Variants in PLEKHG4B observed in about 807,000 individuals in gnomAD.
The protein encoded by PLEKHG4B is pleckstrin homology domain-containing family G member 4B.
PLEKHG4B carries 111 observed loss-of-function variants against 121.3 expected under a neutral mutation model. That is an observed-to-expected ratio of 0.92 (90% CI 0.78 to 1.07). PLEKHG4B has a LOEUF of 1.07. Among genes scored for constraint, PLEKHG4B ranks in the 50% least tolerant of loss-of-function variants. The pLI, the probability that PLEKHG4B is intolerant of heterozygous loss-of-function variation, is 0.00. For synonymous variants in PLEKHG4B, 738 were observed against 725.0 expected (o/e 1.02, Z -0.29); for missense variants, 1,831 against 1,757.8 (o/e 1.04, Z -0.74).
chr5:99,006 ATTAG>A (rs1313387115), intron 1 of PLEKHG4B, among the ~76,000 whole-genome samples: 2 of 145,600 alleles, frequency 1.4e-5, no homozygotes, highest in Admixed American at 6.8e-5. Flanking sequence ...AATACAAAAA[ATTAG>A]CTGGGTGTGG....
intron 1 of PLEKHG4B, among the ~76,000 whole-genome samples, chr5:99,538 A>G (rs1733740921): frequency 6.6e-6 from 1 of 152,044 alleles, no homozygotes; most frequent in Admixed American, 6.5e-5. Flanking sequence ...TCCTTTTCAA[A>G]GTATTCATTG....
In PLEKHG4B at chr5:184,632, T is replaced by C. The variant is rs990008719; in HGVS notation, c.*2309T>C. Reference sequence around the variant, plus strand: ...GCACCATCCAGGATTTTCCTCGTTATTTAAATCCCTTTAGCCCATCTCCCA... The same window carrying C: ...GCACCATCCAGGATTTTCCTCGTTACTTAAATCCCTTTAGCCCATCTCCCA... On this transcript the variant is annotated 3_prime_UTR_variant, in exon 20 of 20. Coordinates refer to ENST00000637938, the MANE Select transcript of PLEKHG4B (RefSeq NM_052909.5). The C allele has an allele frequency of 2.6e-5, 4 of 152,234 alleles. No individual in the cohort carries two copies. Among genetic ancestry groups the C allele is most frequent in the Non-Finnish European group, 5.9e-5 (4 of 68,042 alleles). 9.4% of individuals were successfully genotyped at this position (152,234 alleles called of 1,614,324 possible). A position where few individuals can be genotyped will look rare whatever the true frequency, so the allele number is the denominator to read the frequency against.
At chr5:116,486 T>C (rs1353649537) in intron 2 of PLEKHG4B, among the ~76,000 whole-genome samples, 1 of 152,238 alleles carries the variant, frequency 6.6e-6, no homozygotes, top group East Asian at 1.9e-4. Context: ...CTCAATCAGC[T>C]GGAACACAGT....
At position 187,233 on chromosome 5, in the gene PLEKHG4B, T is replaced by TGAGGA. The variant is rs1412074056; in HGVS notation, c.*4911_*4915dup. The TGAGGA allele has an allele frequency of 3.3e-5, 5 of 152,302 alleles. No homozygotes were observed. Among genetic ancestry groups the TGAGGA allele is most frequent in the African/African-American group, 7.2e-5 (3 of 41,454 alleles). The allele number at this position is 152,302 out of a possible 1,614,324, so 9.4% of individuals were successfully genotyped here. On this transcript the variant is annotated 3_prime_UTR_variant, in exon 20 of 20. Coordinates refer to ENST00000637938, the MANE Select transcript of PLEKHG4B (RefSeq NM_052909.5). The stretch of plus-strand genomic sequence containing the variant: ...CGGGCAGGTACAGATGTCATCCCCT[T>TGAGGA]GAGGACAGCAGGGAGGCGACTCAGG...
chr5:109,091 T>TC lies in PLEKHG4B; in HGVS notation c.46-4155dup, dbSNP rs1553981572. ...TGGGGCAGAGCAGGGACAGTGTGGG[T>TC]CCCCCGCTGTCCCCAGGGCCCTGCT... On this transcript the variant is annotated intron_variant, in intron 1 of 19. Coordinates refer to ENST00000637938, the MANE Select transcript of PLEKHG4B (RefSeq NM_052909.5). 3.3e-3 allele frequency among the ~76,000 whole-genome samples: 509 copies of TC among 152,066 alleles called. 6 individuals carry two copies. Among genetic ancestry groups the TC allele is most frequent in the African/African-American group, 0.012 (489 of 41,470 alleles).
At chr5:164,525 G>GCT (rs1736181818) in intron 13 of PLEKHG4B, among the ~76,000 whole-genome samples, 2 of 85,236 alleles carry the variant, frequency 2.3e-5, no homozygotes, top group African/African-American at 1.2e-4. Context: ...ACACAGTAAT[G>GCT]CTGTGACAGG....
rs1735033666 is a variant in PLEKHG4B at position 137,989 on chromosome 5, G to A, written c.244-1494G>A. On this transcript the variant is annotated intron_variant, in intron 2 of 19. Coordinates refer to ENST00000637938, the MANE Select transcript of PLEKHG4B (RefSeq NM_052909.5). This position sits in a 1 kb window ranked among gnomAD's most constrained non-coding sequence, Gnocchi z 4.2. Reference sequence around the variant, plus strand: ...CCGCTTCTTGAACGGCTTGCTCACCGGTGTGAGGAACACGCGCAGACGTTT... The same window carrying A: ...CCGCTTCTTGAACGGCTTGCTCACCAGTGTGAGGAACACGCGCAGACGTTT... 1.3e-5 allele frequency among the ~76,000 whole-genome samples: 2 copies of A among 152,208 alleles called. No individual in the cohort carries two copies. Among genetic ancestry groups the A allele is most frequent in the African/African-American group, 2.4e-5 (1 of 41,442 alleles).
At chr5:144,504 T>G (rs1244842589) in intron 5 of PLEKHG4B, among the ~76,000 whole-genome samples, 1 of 152,218 alleles carries the variant, frequency 6.6e-6, no homozygotes, top group African/African-American at 2.4e-5. Context: ...AAGAAGGCCC[T>G]GAAGTCCTTG....
At chr5:155,025 A>G in intron 8 of PLEKHG4B, 34 bp downstream of exon 8, 6 of 1,528,134 alleles carry the variant, frequency 3.9e-6, no homozygotes, top group Non-Finnish European at 5.4e-6. Flanking sequence ...CACATGCGAC[A>G]GTCTCTGGGG....
intron 18 of PLEKHG4B, among the ~76,000 whole-genome samples, chr5:181,244 AC>A (rs1736923615): frequency 6.6e-6 from 1 of 151,744 alleles, no homozygotes; most frequent in Non-Finnish European, 1.5e-5. Context: ...ACCCTTCCTC[AC>A]CCCCAGGTTG....
chr5:142,530 T>G (rs1363630305), intron 3 of PLEKHG4B, among the ~76,000 whole-genome samples: 1 of 148,582 alleles, frequency 6.7e-6, no homozygotes, highest in African/African-American at 2.5e-5. Flanking sequence ...CCTCCAACGA[T>G]CACACTCCAG....
intron 1 of PLEKHG4B, among the ~76,000 whole-genome samples, chr5:110,515 C>T (rs1734121608): frequency 6.7e-6 from 1 of 148,496 alleles, no homozygotes; most frequent in Admixed American, 6.7e-5. Context: ...CTGCAACACA[C>T]ATGCACACAT....
At chr5:142,078 G>A (rs1017599293) in intron 3 of PLEKHG4B, among the ~76,000 whole-genome samples, 3 of 152,154 alleles carry the variant, frequency 2.0e-5, no homozygotes, top group Non-Finnish European at 2.9e-5. Context: ...GGAGAGTGCC[G>A]CACACACACG....
rs1177632405 is a variant in PLEKHG4B, at chr5:157,335, AC to A, written c.2487+426del. On this transcript the variant is annotated intron_variant, in intron 11 of 19. Coordinates refer to ENST00000637938, the MANE Select transcript of PLEKHG4B (RefSeq NM_052909.5). The surrounding 1 kb of genome is among the most constrained non-coding windows in gnomAD (Gnocchi z 4.6). ...GCAGCCTGGGAAACACCTCCAGATGACCTCAAGAAGTGGCTCTGGAGGCCAG... is the reference window on the plus strand; with the variant it reads ...GCAGCCTGGGAAACACCTCCAGATGACTCAAGAAGTGGCTCTGGAGGCCAG... Among the ~76,000 whole-genome samples, 3 of 152,242 alleles carry A rather than the reference AC, an allele frequency of 2.0e-5. No individual in the cohort carries two copies. The highest frequency in any genetic ancestry group is 7.2e-5 in the African/African-American group (3 of 41,556).
At position 139,749 on chromosome 5, in the gene PLEKHG4B, G is replaced by T; in HGVS notation, c.510G>T (p.Glu170Asp). The change falls in exon 3 of 20, where the codon GAG (glutamate) becomes GAT (aspartate). Residue 170 changes from glutamate to aspartate, a missense_variant. Coordinates refer to ENST00000637938, the MANE Select transcript of PLEKHG4B (RefSeq NM_052909.5). This position sits in a 1 kb window ranked among gnomAD's most constrained non-coding sequence, Gnocchi z 5.0. ...TGAFLEWVNR[E>D]RRHVPLQTCL... ...CGTTCCTGGAGTGGGTGAACCGGGA[G>T]CGGCGCCATGTCCCCCTGCAAACCT... 2.5e-6 allele frequency: 1 copy of T among 399,018 alleles called. No homozygotes were observed. The highest frequency in any genetic ancestry group is 4.4e-6 in the Non-Finnish European group (1 of 226,272). The allele number at this position is 399,018 out of a possible 1,614,324, so 24.7% of individuals were successfully genotyped here.
At position 163,254 on chromosome 5, in the gene PLEKHG4B, C is replaced by T; in HGVS notation, c.3182C>T (p.Ser1061Phe). Residue 1061 changes from serine (S) to phenylalanine (F), a missense_variant, in exon 13 of 20, where the codon TCT (serine) becomes TTT (phenylalanine). Physicochemically the swap from Ser to Phe is radical, Grantham distance 155 (BLOSUM62 -2). Transcript: ENST00000637938. ...AHLEDSSACS[S>F]EPTQTLASRP... The stretch of plus-strand genomic sequence containing the variant: ...CTGGAGGACAGCTCTGCCTGTTCCT[C>T]TGAGCCCACCCAGACCCTGGCCAGC... The T allele has an allele frequency of 6.2e-7, 1 of 1,611,788 alleles. No individual in the cohort carries two copies. Among genetic ancestry groups the T allele is most frequent in the African/African-American group, 1.3e-5 (1 of 75,026 alleles).
chr5:130,494 A>T (rs1431832529), intron 2 of PLEKHG4B, among the ~76,000 whole-genome samples: 1 of 152,174 alleles, frequency 6.6e-6, no homozygotes, highest in Non-Finnish European at 1.5e-5. Context: ...GCCCAGAATG[A>T]AGCTGAACTT....
chr5:149,232 A>T (rs1211704909), intron 6 of PLEKHG4B, among the ~76,000 whole-genome samples: 1 of 152,184 alleles, frequency 6.6e-6, no homozygotes, highest in Non-Finnish European at 1.5e-5. Context: ...ACTTTTCAAA[A>T]ATTAAAAAAT....
chr5:99,167 AGTGTATATATAT>A (rs1733721702), intron 1 of PLEKHG4B, among the ~76,000 whole-genome samples: 2 of 82,644 alleles, frequency 2.4e-5, no homozygotes, highest in African/African-American at 1.1e-4. Context: ...AAAAAAAAAA[AGTGTATATATAT>A]ATATATATAT....
Sources: allele counts gnomAD v4.1 joint callset (sites outside exome capture counted in the v4.1 genomes callset), GRCh38; gene constraint gnomAD v4.1.1; non-coding constraint Gnocchi (gnomAD v3.1); transcripts MANE v1.5; gene names NCBI Gene and HGNC (gene_info 2026-07-23, HGNC 2026-07-21).